The following TBC1D5 variants were observed in gnomAD, a reference collection of about 807,000 sequenced individuals.
TBC1D5 encodes the protein TBC1 domain family, member 5.
A neutral mutation model predicts 100.3 loss-of-function variants in TBC1D5; 75 were observed. The ratio of observed to expected loss-of-function variants is 0.75; its 90% CI spans 0.62 to 0.91. The LOEUF is 0.91. Ranked by LOEUF, TBC1D5 falls within the 40% of genes least tolerant of loss-of-function variation. The pLI, the probability that TBC1D5 is intolerant of heterozygous loss-of-function variation, is 0.00. For missense variants in TBC1D5, 910 were observed against 942.4 expected, an observed-to-expected ratio of 0.97 and a Z score of 0.45; for synonymous variants, 323 against 325.6, an observed-to-expected ratio of 0.99 and a Z score of 0.09.
chr3:17,172,761 T>C (rs2067294066), intron 19 of TBC1D5, among the ~76,000 whole-genome samples: 1 of 152,256 alleles, frequency 6.6e-6, no homozygotes, highest in Non-Finnish European at 1.5e-5. Context: ...CAAACCACTT[T>C]TTCAATTTCT....
At chr3:17,415,242 C>T (rs1446153619) in intron 4 of TBC1D5, among the ~76,000 whole-genome samples, 3 of 152,194 alleles carry the variant, frequency 2.0e-5, no homozygotes, top group African/African-American at 4.8e-5. Flanking sequence ...CTGCAAGCTC[C>T]GCCTCTGGGG....
At chr3:17,576,770 C>T (rs1008711201) in intron 2 of TBC1D5, among the ~76,000 whole-genome samples, 2 of 151,988 alleles carry the variant, frequency 1.3e-5, no homozygotes, top group Non-Finnish European at 2.9e-5. Flanking sequence ...AGCAGTTAGA[C>T]ATCAATTCCA....
rs574957073 is a variant in TBC1D5 at position 17,233,011 on chromosome 3, T to C, written c.1588+5152A>G. 2.1e-4 allele frequency among the ~76,000 whole-genome samples: 32 copies of C among 152,292 alleles called. No individual in the cohort carries two copies. In the East Asian group the frequency reaches 2.7e-3, roughly 13 times the overall value. On this transcript the variant is annotated intron_variant, in intron 17 of 21. Coordinates refer to ENST00000253692, the Ensembl canonical transcript of TBC1D5. ...ATCTAAAAGACTGCATAATAAAAGA[T>C]TAATGCAGCCACTTTAAGTATTTAT... is the stretch of plus-strand genomic sequence containing the variant.
chr3:17,715,032 C>T (rs543698373), intron 1 of TBC1D5, among the ~76,000 whole-genome samples: 1 of 152,324 alleles, frequency 6.6e-6, no homozygotes, highest in East Asian at 1.9e-4. Context: ...TAACACTTAC[C>T]TCTTATGTAT....
intron 2 of TBC1D5, among the ~76,000 whole-genome samples, chr3:17,570,208 T>A (rs969201535): frequency 4.6e-5 from 7 of 152,104 alleles, no homozygotes; most frequent in African/African-American, 1.7e-4. Context: ...ATTTTAAAAA[T>A]AGTAAGCAAG....
At chr3:17,172,701 T>C (rs1158321554) in intron 19 of TBC1D5, among the ~76,000 whole-genome samples, 3 of 152,378 alleles carry the variant, frequency 2.0e-5, no homozygotes, top group Admixed American at 1.3e-4. Context: ...TAATGAAATG[T>C]AGTGCCACAA....
chr3:17,244,952 G>A (rs929331960), intron 16 of TBC1D5, among the ~76,000 whole-genome samples: 9 of 147,752 alleles, frequency 6.1e-5, no homozygotes, highest in Non-Finnish European at 1.3e-4. Flanking sequence ...TTGGAAGGCC[G>A]AGGAAGGACA....
chr3:17,579,492 G>A (rs1477917216), intron 2 of TBC1D5, among the ~76,000 whole-genome samples: 1 of 151,972 alleles, frequency 6.6e-6, no homozygotes, highest in East Asian at 1.9e-4. Context: ...TGAAACTGTT[G>A]GTCAATTTCA....
At chr3:17,703,788 A>AG in intron 1 of TBC1D5, among the ~76,000 whole-genome samples, 2 of 152,324 alleles carry the variant, frequency 1.3e-5, no homozygotes, top group South Asian at 4.1e-4. Flanking sequence ...CTATAGTGTC[A>AG]ATTTTCTGCC....
chr3:17,612,680 C>A (rs1247712774), intron 2 of TBC1D5, among the ~76,000 whole-genome samples: 2 of 151,680 alleles, frequency 1.3e-5, no homozygotes, highest in Admixed American at 1.3e-4. Flanking sequence ...AATAATTATA[C>A]ATAGAAGAAC....
chr3:17,308,634 G>A (rs963273714), intron 13 of TBC1D5, among the ~76,000 whole-genome samples: 7 of 152,032 alleles, frequency 4.6e-5, no homozygotes, highest in African/African-American at 1.7e-4. Flanking sequence ...TTAAAATTAA[G>A]TGTGGGAAAA....
At chr3:17,416,735 A>G (rs1358237529) in intron 4 of TBC1D5, among the ~76,000 whole-genome samples, 1 of 152,020 alleles carries the variant, frequency 6.6e-6, no homozygotes, top group Non-Finnish European at 1.5e-5. Flanking sequence ...TTCTGTTTCT[A>G]TCACTCCCTT....
At chr3:17,685,230 A>C (rs1440992455) in intron 1 of TBC1D5, among the ~76,000 whole-genome samples, 1 of 152,128 alleles carries the variant, frequency 6.6e-6, no homozygotes, top group East Asian at 1.9e-4. Flanking sequence ...CATTGCAATG[A>C]CTATACTTTT....
chr3:17,269,795 T>G (rs1360157371), intron 15 of TBC1D5, among the ~76,000 whole-genome samples: 1 of 151,718 alleles, frequency 6.6e-6, no homozygotes, highest in East Asian at 1.9e-4. Flanking sequence ...GGCCTCCAGC[T>G]ACATCTATGT....
At chr3:17,587,448 A>G (rs1356335811) in intron 2 of TBC1D5, among the ~76,000 whole-genome samples, 4 of 152,030 alleles carry the variant, frequency 2.6e-5, no homozygotes, top group Non-Finnish European at 5.9e-5. Context: ...ACAGATTCCA[A>G]CTGAAATTTA....
intron 19 of TBC1D5, among the ~76,000 whole-genome samples, chr3:17,178,711 G>A (rs760489078): frequency 1.3e-5 from 2 of 152,114 alleles, no homozygotes; most frequent in Non-Finnish European, 2.9e-5. Context: ...GGAGTGCAGT[G>A]GCATGAGCAT....
At chr3:17,371,250 A>T (rs1353060017) in intron 13 of TBC1D5, among the ~76,000 whole-genome samples, 1 of 152,190 alleles carries the variant, frequency 6.6e-6, no homozygotes, top group Non-Finnish European at 1.5e-5. Flanking sequence ...GGTAGAACAA[A>T]AGATGATCAT....
At chr3:17,612,350 T>G (rs974479431) in intron 2 of TBC1D5, among the ~76,000 whole-genome samples, 82 of 148,100 alleles carry the variant, frequency 5.5e-4, no homozygotes, top group Admixed American at 1.5e-3. Flanking sequence ...GAGTAGAGGC[T>G]AGGCGCGGTG....
chr3:17,233,930 A>G (rs572592148), intron 17 of TBC1D5, among the ~76,000 whole-genome samples, 180 bp from the exon 18 acceptor site: 2 of 152,218 alleles, frequency 1.3e-5, no homozygotes, highest in Admixed American at 1.3e-4. Flanking sequence ...CTTTAAGAGC[A>G]TGTTTTCTAG....
Sources: gnomAD v4.1 joint callset for allele counts (sites outside exome capture counted in the v4.1 genomes callset) on GRCh38, gnomAD v4.1.1 for gene constraint, MANE v1.5 for transcripts, NCBI Gene and HGNC (gene_info 2026-07-23, HGNC 2026-07-21) for gene names.